ITGA1: variants seen among roughly 807,000 people sequenced by gnomAD.
ITGA1 encodes the protein integrin alpha-1.
Under a neutral mutation model 145.9 loss-of-function variants are expected in ITGA1, and 85 were observed. The ratio of observed to expected loss-of-function variants is 0.58; its 90% CI spans 0.49 to 0.70. ITGA1 has a LOEUF of 0.70. ITGA1 is among the 30% of genes least tolerant of loss of function. The pLI, the probability that ITGA1 is intolerant of heterozygous loss-of-function variation, is 0.00. For missense variants in ITGA1, 1,351 were observed against 1,418.7 expected (o/e 0.95, Z 0.77); for synonymous variants, 520 against 495.3 (o/e 1.05, Z -0.66).
chr5:52,806,558 CTCAT>C (rs1321778331), intron 1 of ITGA1, among the ~76,000 whole-genome samples: 1 of 151,954 alleles, frequency 6.6e-6, no homozygotes, highest in Non-Finnish European at 1.5e-5. Flanking sequence ...ATGATAAAGT[CTCAT>C]TCATTGTTTT....
intron 1 of ITGA1, chr5:52,804,141 C>A (rs1748544791): frequency 6.6e-6 from 1 of 152,010 alleles, no homozygotes; most frequent in Admixed American, 6.6e-5. Context: ...TTATTTTTGA[C>A]TTTTCTAGAA....
At chr5:52,854,217 G>A (rs1749471863) in intron 2 of ITGA1, among the ~76,000 whole-genome samples, 1 of 152,050 alleles carries the variant, frequency 6.6e-6, no homozygotes, top group African/African-American at 2.4e-5. Flanking sequence ...GGGTACCAAT[G>A]GGCTCATGTG....
In ITGA1 at chr5:52,897,467, A is replaced by T; in HGVS notation, c.1103A>T (p.Gln368Leu). 1 of 1,610,906 alleles carries T rather than the reference A, an allele frequency of 6.2e-7. No homozygotes were observed. Among genetic ancestry groups the T allele is most frequent in the Non-Finnish European group, 8.5e-7 (1 of 1,177,322 alleles). The part of the protein sequence containing the change: ...RIFALEATAD[Q>L]SAASFEMEMS... ...TCCTATGTTATAGCCACAGCTGACC[A>T]GTCAGCAGCTTCATTTGAAATGGAA... The change falls in exon 10 of 29, where the codon CAG (glutamine) becomes CTG (leucine). Residue 368 changes from glutamine to leucine, a missense_variant. Coordinates refer to ENST00000282588, the MANE Select transcript of ITGA1 (RefSeq NM_181501.2).
chr5:52,864,297 A>T (rs1749651029), intron 3 of ITGA1, among the ~76,000 whole-genome samples: 1 of 152,148 alleles, frequency 6.6e-6, no homozygotes, highest in Non-Finnish European at 1.5e-5. Flanking sequence ...CACCCAAAGG[A>T]TGTCCTCATG....
At chr5:52,911,430 C>G (rs1315550559) in intron 14 of ITGA1, among the ~76,000 whole-genome samples, 12 of 125,990 alleles carry the variant, frequency 9.5e-5, no homozygotes, top group Non-Finnish European at 9.7e-5. Context: ...TATATAGATA[C>G]TATATATAGT....
In ITGA1 at chr5:52,958,241, G is replaced by A. The variant is rs1279823634; in HGVS notation, c.*5790G>A. On this transcript the variant is annotated 3_prime_UTR_variant, in exon 29 of 29. Coordinates refer to ENST00000282588, the MANE Select transcript of ITGA1 (RefSeq NM_181501.2). ...ACCTTGAGAGACAGGAAAAAAAATGGGGGTGAGGGAGTGGAAGATGATGAA... is the reference window on the plus strand; with the variant it reads ...ACCTTGAGAGACAGGAAAAAAAATGAGGGTGAGGGAGTGGAAGATGATGAA... 1.3e-5 allele frequency: 2 copies of A among 152,124 alleles called. No homozygotes were observed. Among genetic ancestry groups the A allele is most frequent in the Admixed American group, 6.6e-5 (1 of 15,266 alleles). 9.4% of individuals were successfully genotyped at this position (152,124 alleles called of 1,614,324 possible).
intron 28 of ITGA1, among the ~76,000 whole-genome samples, chr5:52,948,010 G>A (rs1001959060): frequency 6.6e-6 from 1 of 152,160 alleles, no homozygotes; most frequent in Admixed American, 6.5e-5. Flanking sequence ...ATCAGCTGAT[G>A]TAGGGGAGAT....
chr5:52,800,202 A>C (rs1188120945), intron 1 of ITGA1: 7 of 603,838 alleles, frequency 1.2e-5, no homozygotes, highest in African/African-American at 3.7e-5. Flanking sequence ...GGAGACTGAG[A>C]GAGGAAAGGA....
intron 1 of ITGA1, chr5:52,801,637 A>C (rs763023657): frequency 7.4e-6 from 12 of 1,614,058 alleles, no homozygotes; most frequent in Non-Finnish European, 9.3e-6. Context: ...TGAGCTCTTC[A>C]GGCATCAGGA....
chr5:52,918,610 T>C lies in ITGA1; in HGVS notation c.1989-122T>C, dbSNP rs556801793. 38 of 747,296 alleles carry C rather than the reference T, an allele frequency of 5.1e-5. 1 individual carries two copies. In the South Asian group the frequency reaches 9.6e-4, roughly 19 times the overall value. 46.3% of individuals were successfully genotyped at this position (747,296 alleles called of 1,614,324 possible). ...ACAATGATTAATTAAAGAAATGGAGTCCTGAGCGCTGTATTATACATGAAG... is the reference window on the plus strand; with the variant it reads ...ACAATGATTAATTAAAGAAATGGAGCCCTGAGCGCTGTATTATACATGAAG... On this transcript the variant is annotated intron_variant, in intron 15 of 28. Coordinates refer to ENST00000282588, the MANE Select transcript of ITGA1 (RefSeq NM_181501.2).
intron 1 of ITGA1, among the ~76,000 whole-genome samples, chr5:52,791,559 C>G (rs1748241090): frequency 6.6e-6 from 1 of 152,192 alleles, no homozygotes; most frequent in African/African-American, 2.4e-5. Context: ...AAGATCCAAC[C>G]TTCCAGAGAA....
chr5:52,814,213 C>G (rs1304932615), intron 1 of ITGA1, among the ~76,000 whole-genome samples: 3 of 152,210 alleles, frequency 2.0e-5, no homozygotes, highest in Admixed American at 6.5e-5. Context: ...GTGGCGCGAT[C>G]TCAGCTCACT....
intron 21 of ITGA1, among the ~76,000 whole-genome samples, chr5:52,930,403 C>A (rs1042680132): frequency 1.3e-5 from 2 of 152,002 alleles, no homozygotes; most frequent in Non-Finnish European, 2.9e-5. Context: ...TATTTGACAT[C>A]TATTATGCAC....
intron 1 of ITGA1, chr5:52,824,949 A>G (rs1020417765): frequency 8.5e-5 from 13 of 152,198 alleles, no homozygotes; most frequent in Non-Finnish European, 1.6e-4. Flanking sequence ...TTATAGTAAA[A>G]TATACATAAA....
chr5:52,859,900 A>G (rs891779946), intron 2 of ITGA1, among the ~76,000 whole-genome samples: 9 of 152,194 alleles, frequency 5.9e-5, no homozygotes, highest in Admixed American at 2.6e-4. Context: ...ATCTATTTCC[A>G]GCACTGCAGA....
intron 1 of ITGA1, among the ~76,000 whole-genome samples, chr5:52,811,530 C>G (rs191848512): frequency 1.2e-3 from 185 of 152,264 alleles, no homozygotes; most frequent in Non-Finnish European, 1.6e-3. Context: ...GGAGAGCAGC[C>G]TGCTAGAAGG....
chr5:52,912,099 A>G (rs1750561405), intron 14 of ITGA1, among the ~76,000 whole-genome samples: 1 of 142,646 alleles, frequency 7.0e-6, no homozygotes, highest in Non-Finnish European at 1.5e-5. Flanking sequence ...TACACTATAT[A>G]TAGCGTATCT....
At chr5:52,920,908 A>G (rs1750720951) in intron 17 of ITGA1, among the ~76,000 whole-genome samples, 1 of 151,954 alleles carries the variant, frequency 6.6e-6, no homozygotes, top group Admixed American at 6.6e-5. Flanking sequence ...ATGTAACTAC[A>G]TATCTCGCCG....
chr5:52,822,743 G>A (rs1261767887), intron 1 of ITGA1, among the ~76,000 whole-genome samples: 4 of 152,122 alleles, frequency 2.6e-5, no homozygotes, highest in East Asian at 1.9e-4. Flanking sequence ...TCGTATGATC[G>A]GTAATTACAC....
Sources: gnomAD v4.1 joint callset for allele counts (sites outside exome capture counted in the v4.1 genomes callset) on GRCh38, gnomAD v4.1.1 for gene constraint, MANE v1.5 for transcripts, NCBI Gene and HGNC (gene_info 2026-07-23, HGNC 2026-07-21) for gene names.